Variants in ING4 observed in about 807,000 individuals in gnomAD.
ING4 encodes inhibitor of growth protein 4.
In ING4, 28 loss-of-function variants were observed where a neutral mutation model predicts 33.1. That is an observed-to-expected ratio of 0.85 (90% CI 0.63 to 1.16). The LOEUF (loss-of-function observed/expected upper bound fraction) is 1.16, where lower values mean the gene tolerates loss of function less well. Ranked by LOEUF, ING4 falls within the 50% of genes most tolerant of loss-of-function variation. The probability of loss-of-function intolerance (pLI) is 0.00; values close to 1 mark genes in which losing one functional copy is unlikely to be tolerated. For missense variants in ING4, 247 were observed against 314.7 expected, an observed-to-expected ratio of 0.78 and a Z score of 1.63; for synonymous variants, 87 against 104.4, an observed-to-expected ratio of 0.83 and a Z score of 1.02.
chr12:6,657,291 T>C (rs995444098), intron 1 of ING4, among the ~76,000 whole-genome samples: 2 of 150,880 alleles, frequency 1.3e-5, no homozygotes, highest in African/African-American at 4.9e-5. Flanking sequence ...CTACTAAAAA[T>C]ACAAAAAATT....
chr12:6,655,780 A>C (rs1949333959), intron 2 of ING4: 2 of 456,102 alleles, frequency 4.4e-6, no homozygotes, highest in East Asian at 7.0e-5. Flanking sequence ...GGCTACATAG[A>C]ATGAAGACAA....
rs577542172 is a variant in ING4 at position 6,655,643 on chromosome 12, G to C, written c.109+1084C>G. 4 of 1,139,152 alleles carry C rather than the reference G, an allele frequency of 3.5e-6. No homozygotes were observed. In the African/African-American group the frequency reaches 6.6e-5, roughly 19 times the overall value. 70.6% of individuals were successfully genotyped at this position (1,139,152 alleles called of 1,614,324 possible). On this transcript the variant is annotated intron_variant, in intron 2 of 7. Transcript: ENST00000341550. The stretch of plus-strand genomic sequence containing the variant: ...AAAAGCAATCTGGTTCTCACCATTC[G>C]GCAGGCAGTTCTCAGGGAACTGTGT...
At chr12:6,662,216 CA>C (rs1180971349) in intron 1 of ING4, among the ~76,000 whole-genome samples, 1 of 152,216 alleles carries the variant, frequency 6.6e-6, no homozygotes, top group African/African-American at 2.4e-5. Flanking sequence ...CCTATTCAAA[CA>C]TCACCTCCGC....
At chr12:6,655,699 T>G (rs1256227136) in intron 2 of ING4, 2 of 745,518 alleles carry the variant, frequency 2.7e-6, no homozygotes, top group Non-Finnish European at 3.7e-6. Flanking sequence ...CACCTTTTCA[T>G]GTGTAAACTC....
At chr12:6,652,488 G>A (rs761760819) in intron 5 of ING4, 70 bp from the exon 6 acceptor site, 13 of 1,538,758 alleles carry the variant, frequency 8.4e-6, no homozygotes, top group South Asian at 3.5e-5. Flanking sequence ...TTTCAGAGGT[G>A]GCAGGAGATC....
At chr12:6,656,690 A>G in intron 2 of ING4, 37 bp downstream of exon 2, 1 of 1,130,402 alleles carries the variant, frequency 8.8e-7, no homozygotes, top group Non-Finnish European at 1.3e-6. Flanking sequence ...GATTACACAC[A>G]CTCATTAGAT....
In ING4 at chr12:6,652,960, T is replaced by C. The variant is rs755936146; in HGVS notation, c.367A>G (p.Ser123Gly). Residue 123 changes from serine to glycine, a missense_variant, in exon 4 of 8, where the codon AGC becomes GGC. By Grantham distance (56) the Ser-to-Gly change is moderately conservative. Coordinates refer to ENST00000341550, the MANE Select transcript of ING4 (RefSeq NM_016162.4). ...EKQIESSDYDSSSSKGKKSRT... is the reference protein window; with the variant it reads ...EKQIESSDYDGSSSKGKKSRT... ...CTCTTTTTGCCTTTGCTGGAAGAGC[T>C]GTCATAGTCACTTGACTCAATCTGT... The C allele has an allele frequency of 2.5e-6, 4 of 1,613,988 alleles. No homozygotes were observed. Among genetic ancestry groups the C allele is most frequent in the Non-Finnish European group, 3.4e-6 (4 of 1,179,942 alleles).
chr12:6,662,982 G>T, intron 1 of ING4, 83 bp downstream of exon 1: 1 of 1,430,036 alleles, frequency 7.0e-7, no homozygotes, highest in East Asian at 2.3e-5. Context: ...TCTCGTCACT[G>T]GAACTTAAGG....
chr12:6,651,084 C>T lies in ING4; in HGVS notation c.*111G>A. On this transcript the variant is annotated 3_prime_UTR_variant, in exon 8 of 8. Coordinates refer to ENST00000341550, the MANE Select transcript of ING4 (RefSeq NM_016162.4). The stretch of plus-strand genomic sequence containing the variant: ...GAGGGGAGGAGAAGGGATGACAGCA[C>T]TGTGCCATCCACTCCTCCCTGAACC... The T allele has an allele frequency of 8.4e-7, 1 of 1,187,034 alleles. No individual in the cohort carries two copies. Among genetic ancestry groups the T allele is most frequent in the Non-Finnish European group, 1.2e-6 (1 of 804,476 alleles). The allele number at this position is 1,187,034 out of a possible 1,614,324, so 73.5% of individuals were successfully genotyped here.
In ING4 at chr12:6,656,794, A is replaced by G. The variant is rs768877523; in HGVS notation, c.42T>C (p.Ile14=). The change falls in exon 2 of 8, where the codon ATT becomes ATC. Residue 14 remains isoleucine, a synonymous_variant. Transcript: ENST00000341550. ...TCTGTAATTCAAAGGGAAGGTTTTC[A>G]ATACCTAGGGAAGAGAGAGAAACAA... The part of the protein sequence containing the change: ...GMYLEHYLDS[I]ENLPFELQRN... 3 of 1,558,796 alleles carry G rather than the reference A, an allele frequency of 1.9e-6. No individual in the cohort carries two copies. The highest frequency in any genetic ancestry group is 2.6e-6 in the Non-Finnish European group (3 of 1,152,754).
rs188803082 is a variant in ING4, at chr12:6,652,474, A to C, written c.498-56T>G. The C allele has an allele frequency of 2.1e-5, 33 of 1,575,900 alleles. No individual in the cohort carries two copies. In the Admixed American group the frequency reaches 5.4e-4, roughly 26 times the overall value. On this transcript the variant is annotated intron_variant, in intron 5 of 7. Coordinates refer to ENST00000341550, the MANE Select transcript of ING4 (RefSeq NM_016162.4). ...CTACAGGAAGGGAAGCTAAAGCCTG[A>C]GGCTTTCAGAGGTGGCAGGAGATCC...
chr12:6,656,602 C>T (rs778368591), intron 2 of ING4, 125 bp downstream of exon 2: 15 of 663,244 alleles, frequency 2.3e-5, no homozygotes, highest in Admixed American at 1.8e-4. Flanking sequence ...ATTCCAAGAG[C>T]GTAAAAAAGG....
chr12:6,652,737 C>A lies in ING4; in HGVS notation c.422G>T (p.Arg141Leu). The A allele has an allele frequency of 6.2e-7, 1 of 1,614,064 alleles. No individual in the cohort carries two copies. Among genetic ancestry groups the A allele is most frequent in the African/African-American group, 1.3e-5 (1 of 74,988 alleles). Residue 141 changes from arginine to leucine, a missense_variant, in exon 5 of 8, where the codon CGT (arginine) becomes CTT (leucine). Transcript: ENST00000341550. The part of the protein sequence containing the change: ...SRTQKEKKAA[R>L]ARSKGKNSDE... ...CGAGTTTTTCCCTTTGGAACGAGCA[C>A]GAGCAGCTTTCTTCTCCTTTTGAGT...
At chr12:6,661,768 C>A (rs1053164925) in intron 1 of ING4, among the ~76,000 whole-genome samples, 3 of 152,036 alleles carry the variant, frequency 2.0e-5, no homozygotes, top group Non-Finnish European at 4.4e-5. Context: ...ACCTTAGATT[C>A]TTCCTTCTCT....
chr12:6,653,583 G>C (rs1336832021), intron 2 of ING4, among the ~76,000 whole-genome samples, 187 bp from the exon 3 acceptor site: 1 of 152,204 alleles, frequency 6.6e-6, no homozygotes, highest in Non-Finnish European at 1.5e-5. Context: ...TTGCTTTAAA[G>C]GTCCTTTCAA....
intron 1 of ING4, among the ~76,000 whole-genome samples, chr12:6,658,168 C>T (rs1949433384): frequency 6.6e-6 from 1 of 151,532 alleles, no homozygotes; most frequent in Non-Finnish European, 1.5e-5. Flanking sequence ...CCATTTTGGC[C>T]AGACTGGTCT....
intron 2 of ING4, among the ~76,000 whole-genome samples, chr12:6,654,874 G>A (rs577565435): frequency 3.8e-4 from 58 of 151,892 alleles, no homozygotes; most frequent in African/African-American, 1.4e-3. Context: ...ACAGGTGTGC[G>A]CCACCACATC....
chr12:6,659,834 A>T (rs979515764), intron 1 of ING4, among the ~76,000 whole-genome samples: 2 of 150,584 alleles, frequency 1.3e-5, no homozygotes, highest in Non-Finnish European at 3.0e-5. Flanking sequence ...AAAAAAATAG[A>T]TGGGCATGGT....
intron 6 of ING4, 81 bp from the exon 7 acceptor site, chr12:6,651,466 C>T: frequency 1.7e-6 from 2 of 1,182,952 alleles, no homozygotes; most frequent in Non-Finnish European, 2.5e-6. Context: ...TCCTTAGGAA[C>T]ATCCTGTCCT....
Sources: allele counts gnomAD v4.1 joint callset (sites outside exome capture counted in the v4.1 genomes callset), GRCh38; gene constraint gnomAD v4.1.1; transcripts MANE v1.5; gene names NCBI Gene and HGNC (gene_info 2026-07-23, HGNC 2026-07-21).